Variants in MEGF9 observed in about 807,000 individuals in gnomAD.
The protein encoded by MEGF9 is multiple EGF like domains 9, also known as multiple epidermal growth factor-like domains protein 9.
MEGF9 carries 6 observed loss-of-function variants against 46.8 expected under a neutral mutation model. That is an observed-to-expected ratio of 0.13 (90% CI 0.07 to 0.25). The LOEUF (loss-of-function observed/expected upper bound fraction) is 0.25, where lower values mean the gene tolerates loss of function less well. Ranked by LOEUF, MEGF9 falls within the 10% of genes least tolerant of loss-of-function variation. The probability of loss-of-function intolerance (pLI) is 1.00; values close to 1 mark genes in which losing one functional copy is unlikely to be tolerated. For synonymous variants in MEGF9, 302 were observed against 330.7 expected, an observed-to-expected ratio of 0.91 and a Z score of 0.94; for missense variants, 683 against 792.4, an observed-to-expected ratio of 0.86 and a Z score of 1.66.
intron 1 of MEGF9, among the ~76,000 whole-genome samples, chr9:120,682,702 C>T (rs759457314): frequency 8.5e-5 from 13 of 152,128 alleles, no homozygotes; most frequent in East Asian, 1.9e-4. Flanking sequence ...CCTACCTCAG[C>T]GTCCCGAGTA....
chr9:120,634,444 A>ATTTTTTTTTTT (rs1564416834), intron 2 of MEGF9, among the ~76,000 whole-genome samples: 20 of 60,832 alleles, frequency 3.3e-4, no homozygotes, highest in Admixed American at 4.2e-4. Flanking sequence ...TGTGTGGAAT[A>ATTTTTTTTTTT]TCTTTTTTTT....
chr9:120,714,446 G>T lies in MEGF9; in HGVS notation c.-88C>A. 1 of 1,126,844 alleles carries T rather than the reference G, an allele frequency of 8.9e-7. No individual in the cohort carries two copies. The highest frequency in any genetic ancestry group is 1.1e-6 in the Non-Finnish European group (1 of 894,968). 69.8% of individuals were successfully genotyped at this position (1,126,844 alleles called of 1,614,324 possible). ...CGCAACCGCCGCCGCCACCGCCACCGGGCGCACCATCGCCACCTCCCTCTG... is the reference window on the plus strand; with the variant it reads ...CGCAACCGCCGCCGCCACCGCCACCTGGCGCACCATCGCCACCTCCCTCTG... On this transcript the variant is annotated 5_prime_UTR_variant, in exon 1 of 6. Coordinates refer to ENST00000373930, the MANE Select transcript of MEGF9 (RefSeq NM_001080497.3).
intron 3 of MEGF9, among the ~76,000 whole-genome samples, chr9:120,621,921 TA>T (rs1362243166): frequency 1.4e-5 from 2 of 146,934 alleles, no homozygotes; most frequent in African/African-American, 5.5e-5. Context: ...TGTGTCTCCT[TA>T]GCCCTAAAAG....
chr9:120,661,443 G>A (rs150826041), intron 1 of MEGF9, among the ~76,000 whole-genome samples: 264 of 152,312 alleles, frequency 1.7e-3, no homozygotes, highest in African/African-American at 6.0e-3. Context: ...CTTGAGCCTG[G>A]GAGGCTGAGG....
At chr9:120,613,580 TAAAG>T (rs1359380782) in intron 3 of MEGF9, among the ~76,000 whole-genome samples, 3 of 151,646 alleles carry the variant, frequency 2.0e-5, no homozygotes, top group South Asian at 2.1e-4. Flanking sequence ...AAACAATTAA[TAAAG>T]AAAAGAAAAA....
chr9:120,607,647 C>T, intron 5 of MEGF9, 94 bp downstream of exon 5: 1 of 1,321,158 alleles, frequency 7.6e-7, no homozygotes. Flanking sequence ...TTTCCAGAAA[C>T]TCCTCTGGTA....
chr9:120,674,880 A>AT (rs35813407), intron 1 of MEGF9, among the ~76,000 whole-genome samples: 81,263 of 135,728 alleles, frequency 0.6, 26,008 homozygotes, highest in South Asian at 0.76. Context: ...AGCAGTTTCT[A>AT]TTTTTTTTTT....
chr9:120,706,665 A>G (rs2043930438), intron 1 of MEGF9, among the ~76,000 whole-genome samples: 1 of 151,954 alleles, frequency 6.6e-6, no homozygotes, highest in Non-Finnish European at 1.5e-5. Context: ...CAAAATCCCA[A>G]CTCTACTAAA....
At chr9:120,620,455 G>A (rs1412102304) in intron 3 of MEGF9, among the ~76,000 whole-genome samples, 2 of 151,992 alleles carry the variant, frequency 1.3e-5, no homozygotes, top group African/African-American at 4.8e-5. Context: ...AAAAGTTCTT[G>A]CCCTCATGAG....
chr9:120,684,829 A>AT (rs996766798), intron 1 of MEGF9, among the ~76,000 whole-genome samples: 11 of 149,370 alleles, frequency 7.4e-5, no homozygotes, highest in Non-Finnish European at 1.2e-4. Flanking sequence ...TGGAGGCTTC[A>AT]TTTTTTTTTC....
chr9:120,709,625 G>C (rs1361265095), intron 1 of MEGF9, among the ~76,000 whole-genome samples: 1 of 152,148 alleles, frequency 6.6e-6, no homozygotes, highest in Non-Finnish European at 1.5e-5. Flanking sequence ...GGCAGAGCCA[G>C]ATCAATCAGT....
chr9:120,675,846 C>G lies in MEGF9; in HGVS notation c.602-16271G>C, dbSNP rs949799480. On this transcript the variant is annotated intron_variant, in intron 1 of 5. Transcript: ENST00000373930. ...GAAGCTGCAGTGAGCCGAGATCACGCCATTGCACTCCAGCCTGGCCGACAG... is the reference window on the plus strand; with the variant it reads ...GAAGCTGCAGTGAGCCGAGATCACGGCATTGCACTCCAGCCTGGCCGACAG... 1.0e-4 allele frequency among the ~76,000 whole-genome samples: 13 copies of G among 128,018 alleles called. No individual in the cohort carries two copies. The Admixed American group carries it at 1.3e-3, about 12-fold the overall frequency. The allele number at this position is 128,018 out of a possible 152,430, so 84.0% of individuals were successfully genotyped here. A position where few individuals can be genotyped will look rare whatever the true frequency, so the allele number is the denominator to read the frequency against.
intron 1 of MEGF9, among the ~76,000 whole-genome samples, chr9:120,660,563 C>T (rs2043697824): frequency 6.6e-6 from 1 of 152,092 alleles, no homozygotes; most frequent in South Asian, 2.1e-4. Context: ...CCACTTCCTC[C>T]CCACCACACC....
chr9:120,693,178 T>C (rs1295973388), intron 1 of MEGF9, among the ~76,000 whole-genome samples: 1 of 146,942 alleles, frequency 6.8e-6, no homozygotes, highest in Non-Finnish European at 1.5e-5. Context: ...AAAGTGAATG[T>C]AAAGTCAAAC....
intron 1 of MEGF9, among the ~76,000 whole-genome samples, chr9:120,698,152 T>C (rs907880277): frequency 6.6e-6 from 1 of 152,174 alleles, no homozygotes; most frequent in African/African-American, 2.4e-5. Flanking sequence ...AAAGTATAAG[T>C]TATAATAGGT....
At chr9:120,674,576 C>CTT (rs368915898) in intron 1 of MEGF9, among the ~76,000 whole-genome samples, 2 of 148,546 alleles carry the variant, frequency 1.3e-5, no homozygotes, top group African/African-American at 4.9e-5. Context: ...TTCTCTCTCT[C>CTT]TTTTTTTTTT....
At chr9:120,649,817 G>A (rs79158567) in intron 2 of MEGF9, among the ~76,000 whole-genome samples, 3,593 of 152,140 alleles carry the variant, frequency 0.024, 151 homozygotes, top group African/African-American at 0.083. Context: ...GCTTAAAGTC[G>A]CAGTTTCCAA....
At chr9:120,692,812 T>G (rs2043855801) in intron 1 of MEGF9, among the ~76,000 whole-genome samples, 3 of 152,176 alleles carry the variant, frequency 2.0e-5, no homozygotes, top group Admixed American at 1.3e-4. Flanking sequence ...TCTACCTGAA[T>G]AATTCCTATT....
chr9:120,702,598 G>C (rs906605032), intron 1 of MEGF9, among the ~76,000 whole-genome samples: 1 of 152,180 alleles, frequency 6.6e-6, no homozygotes, highest in Non-Finnish European at 1.5e-5. Context: ...ACATTTTAAT[G>C]TAAGTTCATA....
Sources: gnomAD v4.1 joint callset for allele counts (sites outside exome capture counted in the v4.1 genomes callset) on GRCh38, gnomAD v4.1.1 for gene constraint, MANE v1.5 for transcripts, NCBI Gene and HGNC (gene_info 2026-07-23, HGNC 2026-07-21) for gene names.